Variants in ZFYVE28 observed in about 807,000 individuals in gnomAD.
The protein encoded by ZFYVE28 is lateral signaling target protein 2 homolog.
ZFYVE28 carries 40 observed loss-of-function variants against 82.1 expected under a neutral mutation model. The observed-to-expected ratio is 0.49, with a 90% CI of 0.38 to 0.63. ZFYVE28 has a LOEUF of 0.63. ZFYVE28 is among the 30% of genes least tolerant of loss of function. The pLI is 0.00. For missense variants in ZFYVE28, 1,321 were observed against 1,242.1 expected, an observed-to-expected ratio of 1.06 and a Z score of -0.96; for synonymous variants, 612 against 546.1, an observed-to-expected ratio of 1.12 and a Z score of -1.68.
At chr4:2,399,333 C>T (rs137978879) in intron 1 of ZFYVE28, among the ~76,000 whole-genome samples, 3 of 152,288 alleles carry the variant, frequency 2.0e-5, no homozygotes, top group Non-Finnish European at 2.9e-5. Context: ...TGTGTGTTCA[C>T]GCCTCTCCTC....
intron 7 of ZFYVE28, among the ~76,000 whole-genome samples, chr4:2,306,439 G>A (rs900037006): frequency 1.3e-5 from 2 of 152,186 alleles, no homozygotes; most frequent in Non-Finnish European, 2.9e-5. Context: ...CGGCACCCTG[G>A]CTCTCGCATG....
At chr4:2,368,006 A>G (rs1443931538) in intron 1 of ZFYVE28, among the ~76,000 whole-genome samples, 1 of 152,152 alleles carries the variant, frequency 6.6e-6, no homozygotes, top group Admixed American at 6.5e-5. Flanking sequence ...AGACAAGCCC[A>G]GGCTCTGCTG....
rs1035892487 is a variant in ZFYVE28 at position 2,409,445 on chromosome 4, C to T, written c.39+8840G>A. Among the ~76,000 whole-genome samples the T allele has an allele frequency of 6.6e-6, 1 of 152,166 alleles. No homozygotes were observed. Among genetic ancestry groups the T allele is most frequent in the African/African-American group, 2.4e-5 (1 of 41,430 alleles). ...TGTGACCCATCCCCAGGCGACCTCCCAACCCCATCTGCAGCGACCCCACCT... is the reference window on the plus strand; with the variant it reads ...TGTGACCCATCCCCAGGCGACCTCCTAACCCCATCTGCAGCGACCCCACCT... On this transcript the variant is annotated intron_variant, in intron 1 of 12. Transcript: ENST00000290974. The surrounding 1 kb of genome is among the most constrained non-coding windows in gnomAD (Gnocchi z 4.4).
intron 8 of ZFYVE28, among the ~76,000 whole-genome samples, chr4:2,291,938 G>A (rs1239171530): frequency 6.6e-6 from 1 of 152,184 alleles, no homozygotes; most frequent in East Asian, 1.9e-4. Flanking sequence ...GTTGCAGGGA[G>A]AGTCAGGGAT....
chr4:2,412,849 C>T (rs1015429664), intron 1 of ZFYVE28, among the ~76,000 whole-genome samples: 9 of 152,156 alleles, frequency 5.9e-5, no homozygotes, highest in Non-Finnish European at 1.0e-4. Context: ...CTCTTAAGGT[C>T]GAACAAAATG....
At chr4:2,413,299 G>A (rs755958746) in intron 1 of ZFYVE28, among the ~76,000 whole-genome samples, 1 of 152,254 alleles carries the variant, frequency 6.6e-6, no homozygotes, top group Non-Finnish European at 1.5e-5. Context: ...GCTCTCAGGC[G>A]TCCGCACTGC....
chr4:2,358,410 A>C lies in ZFYVE28; in HGVS notation c.40-4337T>G, dbSNP rs191191332. Among the ~76,000 whole-genome samples the C allele has an allele frequency of 3.9e-5, 6 of 152,272 alleles. No individual in the cohort carries two copies. The East Asian group carries it at 9.7e-4, about 25-fold the overall frequency. ...AAACGGGCGCTCATCACCAAAATAA[A>C]AGGCATGGGAGGTAGGGAACCCTTC... On this transcript the variant is annotated intron_variant, in intron 1 of 12. Transcript: ENST00000290974.
rs764074943 is a variant in ZFYVE28 at position 2,305,087 on chromosome 4, G to C, written c.1253C>G (p.Ser418Cys). ...GTAEALARPE[S>C]PAGPFGWAGS... ...TGCCCACCCAAATGGGCCAGCTGGG[G>C]ACTCGGGCCTGGCCAGGGCTTCTGC... The change falls in exon 8 of 13, where the codon TCC becomes TGC. Residue 418 changes from serine (S) to cysteine (C), a missense_variant. Transcript: ENST00000290974. 1 of 1,607,384 alleles carries C rather than the reference G, an allele frequency of 6.2e-7. No individual in the cohort carries two copies. The highest frequency in any genetic ancestry group is 8.5e-7 in the Non-Finnish European group (1 of 1,176,648).
intron 6 of ZFYVE28, among the ~76,000 whole-genome samples, chr4:2,334,302 A>T (rs1165378745): frequency 6.6e-6 from 1 of 151,970 alleles, no homozygotes; most frequent in African/African-American, 2.4e-5. Context: ...TAGGGGAGTG[A>T]GCGGCCTGGC....
At chr4:2,318,427 G>A (rs1158569103) in intron 7 of ZFYVE28, among the ~76,000 whole-genome samples, 8 of 152,072 alleles carry the variant, frequency 5.3e-5, no homozygotes, top group Admixed American at 4.6e-4. Flanking sequence ...GCATGGTGGC[G>A]TACACCCGTA....
chr4:2,400,336 A>C (rs1731041169), intron 1 of ZFYVE28, among the ~76,000 whole-genome samples: 1 of 152,130 alleles, frequency 6.6e-6, no homozygotes, highest in African/African-American at 2.4e-5. Context: ...ACATTTCATC[A>C]AGTGACGCCC....
At chr4:2,305,634 G>T in intron 7 of ZFYVE28, 98 bp from the exon 8 acceptor site, 2 of 1,419,548 alleles carry the variant, frequency 1.4e-6, no homozygotes, top group South Asian at 2.6e-5. Context: ...TGCACCAGCA[G>T]AACAACAGCC....
At chr4:2,279,777 C>CAA (rs1166588910) in intron 8 of ZFYVE28, among the ~76,000 whole-genome samples, 19 of 105,086 alleles carry the variant, frequency 1.8e-4, no homozygotes, top group Middle Eastern at 6.6e-3. Flanking sequence ...GAGACTCCTT[C>CAA]AAAAAAAAAA....
intron 1 of ZFYVE28, among the ~76,000 whole-genome samples, chr4:2,361,218 T>C (rs186974587): frequency 2.0e-5 from 3 of 152,300 alleles, no homozygotes; most frequent in Admixed American, 2.0e-4. Context: ...AGATGACTAC[T>C]GAACGGACAT....
At chr4:2,393,840 G>A (rs763010105) in intron 1 of ZFYVE28, among the ~76,000 whole-genome samples, 25 of 152,206 alleles carry the variant, frequency 1.6e-4, no homozygotes, top group Non-Finnish European at 2.8e-4. Flanking sequence ...CAGGAGGCGT[G>A]TGCTAGTTCC....
At chr4:2,410,227 C>T (rs556485563) in intron 1 of ZFYVE28, among the ~76,000 whole-genome samples, 6 of 152,234 alleles carry the variant, frequency 3.9e-5, no homozygotes. Context: ...TTTCATCACC[C>T]CAAAAGGAAA....
rs1380702793 is a variant in ZFYVE28, at chr4:2,416,946, T to TGAGC, written c.39+1335_39+1338dup. ...AGCACGCGCCCTTCGGGGCCCTGAG[T>TGAGC]GAGCCCTCAAACCTCCGTGCCGATC... On this transcript the variant is annotated intron_variant, in intron 1 of 12. Transcript: ENST00000290974. The surrounding 1 kb of genome is among the most constrained non-coding windows in gnomAD (Gnocchi z 4.6). Among the ~76,000 whole-genome samples, 3 of 152,136 alleles carry TGAGC rather than the reference T, an allele frequency of 2.0e-5. No individual in the cohort carries two copies. The highest frequency in any genetic ancestry group is 4.4e-5 in the Non-Finnish European group (3 of 68,008).
In ZFYVE28 at chr4:2,337,514, C is replaced by A; in HGVS notation, c.522-18G>T. ...AGACGTAGCTGCAAACACATGGAGACCTGTGAGGCCGCACCTGGGCTGTGG... is the reference window on the plus strand; with the variant it reads ...AGACGTAGCTGCAAACACATGGAGAACTGTGAGGCCGCACCTGGGCTGTGG... On this transcript the variant is annotated intron_variant, in intron 4 of 12. Transcript: ENST00000290974. 6.3e-7 allele frequency: 1 copy of A among 1,586,034 alleles called. No individual in the cohort carries two copies. Among genetic ancestry groups the A allele is most frequent in the Non-Finnish European group, 8.6e-7 (1 of 1,164,522 alleles).
chr4:2,369,853 T>TC (rs1553857181), intron 1 of ZFYVE28, among the ~76,000 whole-genome samples: 5 of 42,636 alleles, frequency 1.2e-4, no homozygotes, highest in African/African-American at 2.9e-4. Context: ...TTCTTTTCTT[T>TC]TTTTTTTTTT....
Sources: gnomAD v4.1 joint callset for allele counts (sites outside exome capture counted in the v4.1 genomes callset) on GRCh38, gnomAD v4.1.1 for gene constraint, Gnocchi (gnomAD v3.1) non-coding constraint, MANE v1.5 for transcripts, NCBI Gene and HGNC (gene_info 2026-07-23, HGNC 2026-07-21) for gene names.